The following RAI1 variants were observed in gnomAD, a reference collection of about 807,000 sequenced individuals.
The protein encoded by RAI1 is retinoic acid induced 1.
In RAI1, 9 loss-of-function variants were observed where a neutral mutation model predicts 123.8. The observed-to-expected ratio is 0.07, with a 90% CI of 0.04 to 0.13. The LOEUF is 0.13. Ranked by LOEUF, RAI1 falls within the 10% of genes least tolerant of loss-of-function variation. RAI1 has a pLI of 1.00. For synonymous variants in RAI1, 1,231 were observed against 1,127.3 expected (o/e 1.09, Z -1.84); for missense variants, 2,256 against 2,545.8 (o/e 0.89, Z 2.45).
At position 17,795,199 on chromosome 17, in the gene RAI1, C is replaced by G; in HGVS notation, c.2251C>G (p.Leu751Val). The change falls in exon 3 of 6, where the codon CTG becomes GTG. Residue 751 changes from leucine (L) to valine (V), a missense_variant. Transcript: ENST00000353383. This position sits in a 1 kb window ranked among gnomAD's most constrained non-coding sequence, Gnocchi z 5.9. Reference protein sequence around the residue: ...ANPFAWPEENLGDACPRWGLH... With the variant: ...ANPFAWPEENVGDACPRWGLH... ...CCCCTTTGCCTGGCCAGAGGAAAACCTGGGGGATGCTTGTCCCAGGTGGGG... is the reference window on the plus strand; with the variant it reads ...CCCCTTTGCCTGGCCAGAGGAAAACGTGGGGGATGCTTGTCCCAGGTGGGG... 3 of 1,614,022 alleles carry G rather than the reference C, an allele frequency of 1.9e-6. No individual in the cohort carries two copies. Among genetic ancestry groups the G allele is most frequent in the Non-Finnish European group, 2.5e-6 (3 of 1,180,012 alleles).
At chr17:17,723,406 C>G (rs181430090) in intron 1 of RAI1, among the ~76,000 whole-genome samples, 1 of 148,666 alleles carries the variant, frequency 6.7e-6, no homozygotes, top group East Asian at 2.0e-4. Context: ...CACATTGATA[C>G]ACACACGGAC....
At position 17,811,198 on chromosome 17, in the gene RAI1, G is replaced by A. The variant is rs2143007576; in HGVS notation, c.*1217G>A. The stretch of plus-strand genomic sequence containing the variant: ...TTCCTGTACATATGACTGTAAAATG[G>A]TAAACGTGTGTATTATATCTGGCCT... On this transcript the variant is annotated 3_prime_UTR_variant, in exon 6 of 6. Transcript: ENST00000353383. 3.1e-6 allele frequency: 1 copy of A among 325,906 alleles called. No homozygotes were observed. The highest frequency in any genetic ancestry group is 6.0e-6 in the Non-Finnish European group (1 of 166,876). 20.2% of individuals were successfully genotyped at this position (325,906 alleles called of 1,614,324 possible). A position where few individuals can be genotyped will look rare whatever the true frequency, so the allele number is the denominator to read the frequency against.
At chr17:17,718,382 T>G (rs1393802425) in intron 1 of RAI1, among the ~76,000 whole-genome samples, 1 of 152,238 alleles carries the variant, frequency 6.6e-6, no homozygotes, top group East Asian at 1.9e-4. Flanking sequence ...AGCTCTTTGC[T>G]TTCAAAGAAA....
Position 17,798,191 on chromosome 17 carries a change from C to T in RAI1, c.5243C>T (p.Ala1748Val), listed in dbSNP as rs199929703. The change falls in exon 3 of 6, where the codon GCC (alanine) becomes GTC (valine). Residue 1748 changes from alanine to valine, a missense_variant. Physicochemically the swap from Ala to Val is moderately conservative, Grantham distance 64. Coordinates refer to ENST00000353383, the MANE Select transcript of RAI1 (RefSeq NM_030665.4). ...CTCAAAGGTCCCGAGTGTGCAGCTG[C>T]CGCCACTGCCGGGAAGCCCCCCAGG... ...RTLKGPECAA[A>V]ATAGKPPRPD... 161 of 1,612,538 alleles carry T rather than the reference C, an allele frequency of 1.0e-4. No individual in the cohort carries two copies. The highest frequency in any genetic ancestry group is 1.4e-4 in the Non-Finnish European group (160 of 1,179,842).
In RAI1 at chr17:17,685,337, T is replaced by C. The variant is rs1012575330; in HGVS notation, c.-149+3544T>C. ...GTCCAAGCAGGAAGCATCCCTGCAC[T>C]TGACCACAAGAAGGTCACAGCCCAG... On this transcript the variant is annotated intron_variant, in intron 1 of 5. Coordinates refer to ENST00000353383, the MANE Select transcript of RAI1 (RefSeq NM_030665.4). This position sits in a 1 kb window ranked among gnomAD's most constrained non-coding sequence, Gnocchi z 4.0. 1.3e-5 allele frequency among the ~76,000 whole-genome samples: 2 copies of C among 152,234 alleles called. No homozygotes were observed. The highest frequency in any genetic ancestry group is 4.8e-5 in the African/African-American group (2 of 41,460).
chr17:17,788,614 T>C (rs1201371474), intron 2 of RAI1, among the ~76,000 whole-genome samples: 1 of 152,128 alleles, frequency 6.6e-6, no homozygotes, highest in Admixed American at 6.5e-5. Context: ...AATTTTTTTC[T>C]TGCAGCTACA....
intron 1 of RAI1, among the ~76,000 whole-genome samples, chr17:17,689,293 C>T (rs1914761130): frequency 6.6e-6 from 1 of 152,206 alleles, no homozygotes; most frequent in Admixed American, 6.5e-5. Context: ...TGCCAGGTCA[C>T]ATCTAACCCT....
At chr17:17,690,887 A>G (rs1054623754) in intron 1 of RAI1, among the ~76,000 whole-genome samples, 1 of 151,950 alleles carries the variant, frequency 6.6e-6, no homozygotes, top group African/African-American at 2.4e-5. Context: ...ATGGGGAATC[A>G]GAGCTGGCTT....
intron 1 of RAI1, among the ~76,000 whole-genome samples, chr17:17,712,711 G>C (rs1031725062): frequency 5.3e-5 from 8 of 152,194 alleles, no homozygotes; most frequent in Non-Finnish European, 1.0e-4. Context: ...GAACAGGAAG[G>C]GGGTAGTCAC....
intron 1 of RAI1, among the ~76,000 whole-genome samples, chr17:17,718,881 A>T (rs1049800421): frequency 2.0e-5 from 3 of 152,124 alleles, no homozygotes; most frequent in Non-Finnish European, 4.4e-5. Flanking sequence ...GAGCAGGTAC[A>T]GTGGAGGCTG....
chr17:17,797,214 C>T lies in RAI1; in HGVS notation c.4266C>T (p.Asp1422=), dbSNP rs376428032. The T allele has an allele frequency of 9.4e-5, 151 of 1,613,690 alleles. No individual in the cohort carries two copies. Among genetic ancestry groups the T allele is most frequent in the Non-Finnish European group, 1.3e-4 (148 of 1,180,050 alleles). ...ACAGTAAGAAACTGTCTTCTACTGACTGTTTCAAAACCGAGGCCTTCACAT... is the reference window on the plus strand; with the variant it reads ...ACAGTAAGAAACTGTCTTCTACTGATTGTTTCAAAACCGAGGCCTTCACAT... ...LMNSKKLSST[D]CFKTEAFTSP... is the part of the protein sequence containing the mutation. The change falls in exon 3 of 6, where the codon GAC becomes GAT. Residue 1422 remains aspartate (D), a synonymous_variant. Coordinates refer to ENST00000353383, the MANE Select transcript of RAI1 (RefSeq NM_030665.4).
At chr17:17,740,790 C>G (rs1916599498) in intron 2 of RAI1, among the ~76,000 whole-genome samples, 2 of 152,130 alleles carry the variant, frequency 1.3e-5, no homozygotes, top group Non-Finnish European at 2.9e-5. Context: ...CCCCGGCAAG[C>G]CCCAGGACAG....
chr17:17,685,308 C>T lies in RAI1; in HGVS notation c.-149+3515C>T, dbSNP rs1029611682. 3.9e-5 allele frequency among the ~76,000 whole-genome samples: 6 copies of T among 152,238 alleles called. No individual in the cohort carries two copies. The highest frequency in any genetic ancestry group is 1.9e-4 in the East Asian group (1 of 5,194). ...GTTTCCAAAGTTCTGTGCTTAATGT[C>T]GGGGTCCAAGCAGGAAGCATCCCTG... On this transcript the variant is annotated intron_variant, in intron 1 of 5. Transcript: ENST00000353383. This position sits in a 1 kb window ranked among gnomAD's most constrained non-coding sequence, Gnocchi z 4.0.
In RAI1 at chr17:17,809,499, C is replaced by T. The variant is rs2143006625; in HGVS notation, c.5709+60C>T. On this transcript the variant is annotated intron_variant, in intron 5 of 5. Coordinates refer to ENST00000353383, the MANE Select transcript of RAI1 (RefSeq NM_030665.4). The surrounding 1 kb of genome is among the most constrained non-coding windows in gnomAD (Gnocchi z 4.9). The stretch of plus-strand genomic sequence containing the variant: ...GTCAAGCGGGAGAGGAGCCCCACCT[C>T]GCACCTCCTTCACAGTCCCCTGGGC... The T allele has an allele frequency of 6.7e-7, 1 of 1,502,380 alleles. No homozygotes were observed. Among genetic ancestry groups the T allele is most frequent in the South Asian group, 1.1e-5 (1 of 88,804 alleles). The allele number at this position is 1,502,380 out of a possible 1,614,324, so 93.1% of individuals were successfully genotyped here.
intron 2 of RAI1, among the ~76,000 whole-genome samples, chr17:17,733,964 A>G (rs556612616): frequency 1.3e-5 from 2 of 152,294 alleles, no homozygotes; most frequent in East Asian, 3.9e-4. Flanking sequence ...CCCTGGGACC[A>G]CGTGTACGTT....
Position 17,793,837 on chromosome 17 carries a change from C to T in RAI1, c.889C>T (p.His297Tyr), listed in dbSNP as rs1190215285. The T allele has an allele frequency of 3.1e-6, 5 of 1,613,254 alleles. No individual in the cohort carries two copies. Among genetic ancestry groups the T allele is most frequent in the South Asian group, 1.1e-5 (1 of 91,076 alleles). ...GCAGCAGCAAGCCCTTCAGAGCCGGCACCATGCCCAGGAAACCCTCCATTA... is the reference window on the plus strand; with the variant it reads ...GCAGCAGCAAGCCCTTCAGAGCCGGTACCATGCCCAGGAAACCCTCCATTA... ...QQQQQALQSR[H>Y]HAQETLHYQN... The change falls in exon 3 of 6, where the codon CAC (histidine) becomes TAC (tyrosine). Residue 297 changes from histidine to tyrosine, a missense_variant. Physicochemically the swap from His to Tyr is moderately conservative, Grantham distance 83. Transcript: ENST00000353383.
intron 2 of RAI1, among the ~76,000 whole-genome samples, chr17:17,783,517 C>A (rs2031696534): frequency 6.6e-6 from 1 of 152,166 alleles, no homozygotes; most frequent in Non-Finnish European, 1.5e-5. Flanking sequence ...TTGTCTTACA[C>A]GGCTGAAACA....
rs1306279772 is a variant in RAI1, at chr17:17,775,695, G to A, written c.-16-17238G>A. 2.0e-5 allele frequency among the ~76,000 whole-genome samples: 3 copies of A among 151,982 alleles called. No homozygotes were observed. In the East Asian group the frequency reaches 5.8e-4, roughly 29 times the overall value. On this transcript the variant is annotated intron_variant, in intron 2 of 5. Coordinates refer to ENST00000353383, the MANE Select transcript of RAI1 (RefSeq NM_030665.4). ...CATCGTGAAGGTCTTCATCCTCGCC[G>A]TCTTTGTATTGAGTAGACTGGGGCC... is the stretch of plus-strand genomic sequence containing the variant.
intron 2 of RAI1, among the ~76,000 whole-genome samples, chr17:17,749,593 T>TC (rs1380470422): frequency 1.1e-4 from 16 of 152,194 alleles, no homozygotes; most frequent in African/African-American, 3.1e-4. Flanking sequence ...CGCTTCATCT[T>TC]CCCCCCCTCT....
Sources: allele counts gnomAD v4.1 joint callset (sites outside exome capture counted in the v4.1 genomes callset), GRCh38; gene constraint gnomAD v4.1.1; non-coding constraint Gnocchi (gnomAD v3.1); transcripts MANE v1.5; gene names NCBI Gene and HGNC (gene_info 2026-07-23, HGNC 2026-07-21).